Variants in MME observed in about 807,000 individuals in gnomAD.
MME encodes membrane metalloendopeptidase.
MME carries 98 observed loss-of-function variants against 113.2 expected under a neutral mutation model. The observed-to-expected ratio is 0.87, with a 90% CI of 0.74 to 1.02. The LOEUF is 1.02. Ranked by LOEUF, MME falls within the 50% of genes least tolerant of loss-of-function variation. The pLI is 0.00. For synonymous variants in MME, 292 were observed against 300.6 expected (o/e 0.97, Z 0.30); for missense variants, 836 against 896.0 (o/e 0.93, Z 0.86).
At chr3:155,172,088 A>G (rs1712030580) in intron 20 of MME, 29 bp from the exon 21 acceptor site, 2 of 1,256,074 alleles carry the variant, frequency 1.6e-6, no homozygotes, top group Non-Finnish European at 2.3e-6. Context: ...AATTAATATT[A>G]TTGTTTTTCT....
intron 1 of MME, chr3:155,083,887 C>T: frequency 2.5e-6 from 1 of 399,698 alleles, no homozygotes; most frequent in South Asian, 2.3e-5. Flanking sequence ...GTCTTACTGT[C>T]TAATTTTGCT....
intron 8 of MME, among the ~76,000 whole-genome samples, chr3:155,130,014 T>C (rs1720015505): frequency 6.6e-6 from 1 of 152,180 alleles, no homozygotes; most frequent in Non-Finnish European, 1.5e-5. Context: ...TTGGAATTGG[T>C]CTCAAAGCTT....
At chr3:155,152,336 CTT>C (rs1463979105) in intron 16 of MME, among the ~76,000 whole-genome samples, 4 of 152,148 alleles carry the variant, frequency 2.6e-5, no homozygotes, top group African/African-American at 2.4e-5. Context: ...CTGTTCTACA[CTT>C]TGCACATTTT....
At position 155,055,175 on chromosome 3, in the gene MME, T is replaced by C. The variant is rs564516502; in HGVS notation, c.-10-28983T>C. Among the ~76,000 whole-genome samples, 13 of 151,684 alleles carry C rather than the reference T, an allele frequency of 8.6e-5. 1 individual carries two copies. The highest frequency in any genetic ancestry group is 3.1e-4 in the African/African-American group (13 of 41,338). On this transcript the variant is annotated intron_variant, in intron 1 of 22. Transcript: ENST00000492661. Reference sequence around the variant, plus strand: ...CTGATCAAAGAACTCAACTGTAAAATGGAAAAAAAACGATTATATGCTCAC... The same window carrying C: ...CTGATCAAAGAACTCAACTGTAAAACGGAAAAAAAACGATTATATGCTCAC...
At chr3:155,107,638 C>G (rs1275815064) in intron 3 of MME, among the ~76,000 whole-genome samples, 1 of 152,292 alleles carries the variant, frequency 6.6e-6, no homozygotes, top group East Asian at 1.9e-4. Flanking sequence ...TGTGGATTCT[C>G]TGTTTGCTAA....
intron 4 of MME, among the ~76,000 whole-genome samples, chr3:155,115,956 C>A (rs904512028): frequency 2.6e-5 from 4 of 152,128 alleles, no homozygotes; most frequent in African/African-American, 9.7e-5. Context: ...CTCCCCTCTT[C>A]TAGAAGTTAT....
chr3:155,031,559 ATC>A (rs1712972596), intron 1 of MME, among the ~76,000 whole-genome samples: 1 of 152,222 alleles, frequency 6.6e-6, no homozygotes, highest in Admixed American at 6.5e-5. Flanking sequence ...AAATGACTTT[ATC>A]AGAATGTCTT....
intron 3 of MME, among the ~76,000 whole-genome samples, chr3:155,094,940 T>A (rs571788455): frequency 1.3e-5 from 2 of 152,364 alleles, no homozygotes; most frequent in Admixed American, 1.3e-4. Context: ...CAGCAGCCAC[T>A]GAGAATGTGC....
At chr3:155,123,823 C>G (rs921741531) in intron 8 of MME, among the ~76,000 whole-genome samples, 3 of 73,746 alleles carry the variant, frequency 4.1e-5, no homozygotes, top group African/African-American at 1.4e-4. Flanking sequence ...TGAGGGTAAC[C>G]CGACCTTTCT....
chr3:155,081,479 T>C (rs988414586), intron 1 of MME: 5 of 152,232 alleles, frequency 3.3e-5, no homozygotes, highest in African/African-American at 7.2e-5. Context: ...TAATTCTCTA[T>C]TCTCGTCTGT....
At position 155,118,625 on chromosome 3, in the gene MME, T is replaced by C. The variant is rs16824575; in HGVS notation, c.655-121T>C. 1,875 of 706,014 alleles carry C rather than the reference T, an allele frequency of 2.7e-3. 26 individuals carry two copies. The African/African-American group carries it at 0.029, about 11-fold the overall frequency. 43.7% of individuals were successfully genotyped at this position (706,014 alleles called of 1,614,324 possible). The stretch of plus-strand genomic sequence containing the variant: ...AACTAGGTATTTATTGAGTGTCTGA[T>C]GGTCACCCCATAAACAGCAAGAGTA... On this transcript the variant is annotated intron_variant, in intron 7 of 22. Coordinates refer to ENST00000360490, the MANE Select transcript of MME (RefSeq NM_007289.4).
At position 155,166,977 on chromosome 3, in the gene MME, GCATGGT is replaced by G; in HGVS notation, c.1740_1745del (p.Met580_Val581del). On this transcript the variant is annotated inframe_deletion, in exon 18 of 23. Coordinates refer to ENST00000360490, the MANE Select transcript of MME (RefSeq NM_007289.4). ...AACTCATTGAACTATGGGGGCATCG[GCATGGT>G]CATAGGACACGAAATCACCCATGGC... The G allele has an allele frequency of 6.2e-7, 1 of 1,613,738 alleles. No homozygotes were observed. Among genetic ancestry groups the G allele is most frequent in the Non-Finnish European group, 8.5e-7 (1 of 1,179,780 alleles).
chr3:155,132,935 C>T (rs1349113734), intron 8 of MME, among the ~76,000 whole-genome samples: 1 of 149,616 alleles, frequency 6.7e-6, no homozygotes, highest in Non-Finnish European at 1.5e-5. Flanking sequence ...TGCCTATAAT[C>T]CCAGCTAAGG....
At position 155,036,774 on chromosome 3, in the gene MME, C is replaced by T. The variant is rs566800129; in HGVS notation, c.-11+12450C>T. On this transcript the variant is annotated intron_variant, in intron 1 of 22. Transcript: ENST00000492661. The stretch of plus-strand genomic sequence containing the variant: ...TGTTAAAGTTTGATTAATCAAATTT[C>T]TTCTATAGTTTGTGTATTTAATTTT... Among the ~76,000 whole-genome samples, 11 of 152,002 alleles carry T rather than the reference C, an allele frequency of 7.2e-5. No individual in the cohort carries two copies. The East Asian group carries it at 2.1e-3, about 29-fold the overall frequency.
chr3:155,174,371 TGTGTGTGTG>T (rs1712304424), intron 22 of MME, among the ~76,000 whole-genome samples: 2 of 142,622 alleles, frequency 1.4e-5, no homozygotes, highest in African/African-American at 2.7e-5. Flanking sequence ...TGTGTGTGTG[TGTGTGTGTG>T]AAGGGTAAAT....
chr3:155,087,565 A>G (rs984914847), intron 3 of MME, among the ~76,000 whole-genome samples: 1 of 152,070 alleles, frequency 6.6e-6, no homozygotes, highest in Non-Finnish European at 1.5e-5. Context: ...CAGCTACCCT[A>G]TTATATGCTC....
intron 12 of MME, 134 bp downstream of exon 12, chr3:155,142,464 C>T: frequency 1.4e-6 from 1 of 699,900 alleles, no homozygotes; most frequent in Non-Finnish European, 2.5e-6. Flanking sequence ...TTATCTTGCA[C>T]ATATTTAGGA....
chr3:155,078,178 A>C (rs1714829946), upstream of MME, among the ~76,000 whole-genome samples: 1 of 152,024 alleles, frequency 6.6e-6, no homozygotes, highest in South Asian at 2.1e-4. Flanking sequence ...GGCAGAGATC[A>C]CACCACTGCA....
At chr3:155,080,751 G>C (rs1467436322) in intron 1 of MME, among the ~76,000 whole-genome samples, 1 of 152,036 alleles carries the variant, frequency 6.6e-6, no homozygotes, top group Non-Finnish European at 1.5e-5. Context: ...TTAGCTTCTC[G>C]ATCAAGTCGA....
Sources: allele counts gnomAD v4.1 joint callset (sites outside exome capture counted in the v4.1 genomes callset), GRCh38; gene constraint gnomAD v4.1.1; transcripts MANE v1.5; gene names NCBI Gene and HGNC (gene_info 2026-07-23, HGNC 2026-07-21).